The following ASH1L variants were observed in gnomAD, a reference collection of about 807,000 sequenced individuals.
ASH1L encodes ASH1 like histone lysine methyltransferase.
In ASH1L, 23 loss-of-function variants were observed where a neutral mutation model predicts 269.0. The observed-to-expected ratio is 0.09, with a 90% CI of 0.06 to 0.12. The LOEUF is 0.12. ASH1L is among the 10% of genes least tolerant of loss of function. ASH1L has a pLI of 1.00. For missense variants in ASH1L, 2,912 were observed against 3,567.8 expected (o/e 0.82, Z 4.68); for synonymous variants, 1,187 against 1,253.5 (o/e 0.95, Z 1.12).
intron 5 of ASH1L, among the ~76,000 whole-genome samples, chr1:155,421,317 GTTTTTTTT>G (rs11442413): frequency 2.4e-4 from 21 of 85,866 alleles, no homozygotes; most frequent in Admixed American, 1.9e-4. Flanking sequence ...AGTACCAACA[GTTTTTTTT>G]TTTTTTTTTT....
At chr1:155,451,948 T>TGACCTCAGGTGATCCGCC in intron 4 of ASH1L, among the ~76,000 whole-genome samples, 1 of 151,952 alleles carries the variant, frequency 6.6e-6, no homozygotes, top group Non-Finnish European at 1.5e-5. Context: ...CTTGAACTCC[T>TGACCTCAGGTGATCCGCC]GACCTCAGGT....
chr1:155,372,358 G>C (rs776696133), intron 10 of ASH1L, among the ~76,000 whole-genome samples: 10 of 151,640 alleles, frequency 6.6e-5, no homozygotes, highest in Non-Finnish European at 1.3e-4. Flanking sequence ...ACCCAGGCTG[G>C]AGTGCAGTGG....
At chr1:155,527,076 C>A (rs533443404) in intron 1 of ASH1L, among the ~76,000 whole-genome samples, 1 of 152,048 alleles carries the variant, frequency 6.6e-6, no homozygotes, top group Admixed American at 6.6e-5. Context: ...GGTGTGGTGG[C>A]GCATGCCTGT....
intron 10 of ASH1L, among the ~76,000 whole-genome samples, chr1:155,374,452 C>T (rs1656255697): frequency 6.6e-6 from 1 of 152,192 alleles, no homozygotes; most frequent in African/African-American, 2.4e-5. Context: ...GGGCACACGG[C>T]ACACAGTGTC....
At chr1:155,538,406 G>A (rs1226457506) in intron 1 of ASH1L, among the ~76,000 whole-genome samples, 1 of 151,596 alleles carries the variant, frequency 6.6e-6, no homozygotes, top group East Asian at 1.9e-4. Flanking sequence ...CACCCAGGCT[G>A]GAATGCAATG....
Position 155,481,250 on chromosome 1 carries a change from T to A in ASH1L, c.1620A>T (p.Val540=). The A allele has an allele frequency of 6.2e-7, 1 of 1,614,126 alleles. No homozygotes were observed. ...CACTGAATGGGGATTTAGCGGTAGATACATCAGAAGCACCTCCCATTTTAA... is the reference window on the plus strand; with the variant it reads ...CACTGAATGGGGATTTAGCGGTAGAAACATCAGAAGCACCTCCCATTTTAA... The part of the protein sequence containing the change: ...PDFKMGGASD[V]STAKSPFSAV... The change falls in exon 3 of 28, where the codon GTA becomes GTT. Residue 540 remains valine (V), a synonymous_variant. Coordinates refer to ENST00000392403, the MANE Select transcript of ASH1L (RefSeq NM_018489.3).
intron 1 of ASH1L, among the ~76,000 whole-genome samples, chr1:155,524,499 G>A (rs190521370): frequency 2.1e-5 from 3 of 145,258 alleles, no homozygotes; most frequent in Non-Finnish European, 3.0e-5. Flanking sequence ...TCCAGCCTGG[G>A]CAACAAAGCA....
chr1:155,505,050 A>T (rs1044659307), intron 2 of ASH1L, among the ~76,000 whole-genome samples: 1 of 152,180 alleles, frequency 6.6e-6, no homozygotes, highest in African/African-American at 2.4e-5. Flanking sequence ...AAAACCAAAG[A>T]AAAATCCTAA....
chr1:155,562,936 C>T (rs1558230999), upstream of ASH1L: 1 of 456,304 alleles, frequency 2.2e-6, no homozygotes, highest in Non-Finnish European at 4.4e-6. Context: ...GCGTGCGCCT[C>T]CCACAATCCC....
intron 16 of ASH1L, among the ~76,000 whole-genome samples, chr1:155,354,155 G>A (rs1320772083): frequency 6.6e-6 from 1 of 152,240 alleles, no homozygotes; most frequent in East Asian, 1.9e-4. Flanking sequence ...TCGGCTGAGT[G>A]TGGTGGCTTA....
At chr1:155,551,848 C>T (rs1226678484) in intron 1 of ASH1L, among the ~76,000 whole-genome samples, 3 of 148,458 alleles carry the variant, frequency 2.0e-5, no homozygotes, top group Non-Finnish European at 3.0e-5. Flanking sequence ...TGGTGGCGGG[C>T]GCCTGTAATC....
At chr1:155,486,507 T>C (rs1208161689) in intron 2 of ASH1L, among the ~76,000 whole-genome samples, 1 of 151,990 alleles carries the variant, frequency 6.6e-6, no homozygotes. Context: ...TCAATAATCA[T>C]TTAATTGTAC....
Position 155,343,463 on chromosome 1 carries a change from T to C in ASH1L, c.8144A>G (p.His2715Arg). 6.2e-7 allele frequency: 1 copy of C among 1,614,052 alleles called. No individual in the cohort carries two copies. Among genetic ancestry groups the C allele is most frequent in the Non-Finnish European group, 8.5e-7 (1 of 1,179,996 alleles). ...TGTTTCGTGGGGACGGAAATAATGG[T>C]GACCAAAGGCAAACCGTTCCTCTCT... is the stretch of plus-strand genomic sequence containing the variant. ...NEKEERFAFG[H>R]HYFRPHETHH... The change falls in exon 24 of 28, where the codon CAC becomes CGC. Residue 2715 changes from histidine to arginine, a missense_variant. By Grantham distance (29) the His-to-Arg change is conservative. This residue lies in a region of ASH1L where 179 missense variants were observed against 293.8 expected (regional missense o/e 0.61). Transcript: ENST00000392403. The surrounding 1 kb of genome is among the most constrained non-coding windows in gnomAD (Gnocchi z 6.1).
intron 20 of ASH1L, among the ~76,000 whole-genome samples, chr1:155,346,686 A>C (rs1199781615): frequency 6.6e-6 from 1 of 152,246 alleles, no homozygotes; most frequent in African/African-American, 2.4e-5. Context: ...CTCATAATCT[A>C]TAGATCTGGG....
intron 5 of ASH1L, among the ~76,000 whole-genome samples, chr1:155,421,274 C>T (rs1159304465): frequency 6.7e-6 from 1 of 148,842 alleles, no homozygotes; most frequent in Non-Finnish European, 1.5e-5. Context: ...GCAACTTTCC[C>T]CCAAACTGAT....
At chr1:155,399,862 G>A (rs2148495274) in intron 6 of ASH1L, among the ~76,000 whole-genome samples, 1 of 152,278 alleles carries the variant, frequency 6.6e-6, no homozygotes, top group Non-Finnish European at 1.5e-5. Flanking sequence ...AACCCCAGGA[G>A]AAAAGTGTAG....
intron 7 of ASH1L, among the ~76,000 whole-genome samples, chr1:155,392,623 G>A (rs1265777444): frequency 1.3e-5 from 2 of 152,002 alleles, no homozygotes; most frequent in African/African-American, 4.8e-5. Flanking sequence ...TGAGGAGCTG[G>A]GACTACAGGC....
chr1:155,385,407 G>A (rs1156867115), intron 7 of ASH1L, among the ~76,000 whole-genome samples: 1 of 152,170 alleles, frequency 6.6e-6, no homozygotes, highest in African/African-American at 2.4e-5. Flanking sequence ...TTGTGCCACT[G>A]CACTCCAGAC....
rs373031822 is a variant in ASH1L at position 155,440,300 on chromosome 1, C to T, written c.5087-1232G>A. Among the ~76,000 whole-genome samples the T allele has an allele frequency of 1.9e-3, 291 of 152,066 alleles. 1 individual carries two copies. Among genetic ancestry groups the T allele is most frequent in the African/African-American group, 6.5e-3 (270 of 41,460 alleles). ...TCCAGCCTGGATGACAGAGCAAGAC[C>T]CTGTCTCTAGAAAAATAATAAAATT... On this transcript the variant is annotated intron_variant, in intron 4 of 27. Coordinates refer to ENST00000392403, the MANE Select transcript of ASH1L (RefSeq NM_018489.3).
Sources: allele counts gnomAD v4.1 joint callset (sites outside exome capture counted in the v4.1 genomes callset), GRCh38; gene constraint gnomAD v4.1.1; regional missense constraint gnomAD v4.1.1; non-coding constraint Gnocchi (gnomAD v3.1); transcripts MANE v1.5; gene names NCBI Gene and HGNC (gene_info 2026-07-23, HGNC 2026-07-21).